The following DPP10 variants were observed in gnomAD, a reference collection of about 807,000 sequenced individuals.
The protein encoded by DPP10 is inactive dipeptidyl peptidase 10.
DPP10 carries 33 observed loss-of-function variants against 120.9 expected under a neutral mutation model. The ratio of observed to expected loss-of-function variants is 0.27; its 90% confidence interval spans 0.21 to 0.37. The LOEUF is 0.37. DPP10 is among the 10% of genes least tolerant of loss of function. The pLI is 1.00. For synonymous variants in DPP10, 337 were observed against 326.1 expected (o/e 1.03, Z -0.36); for missense variants, 816 against 942.8 (o/e 0.87, Z 1.76).
chr2:115,656,441 A>G (rs911312249), intron 5 of DPP10, among the ~76,000 whole-genome samples: 6 of 151,528 alleles, frequency 4.0e-5, no homozygotes, highest in African/African-American at 1.4e-4. Flanking sequence ...CTAATGTTTT[A>G]TATGTAGTTC....
At chr2:115,515,809 A>C (rs1033829790) in intron 4 of DPP10, among the ~76,000 whole-genome samples, 3 of 152,102 alleles carry the variant, frequency 2.0e-5, no homozygotes, top group African/African-American at 4.8e-5. Flanking sequence ...ATAAAATTGG[A>C]GGAATCATCT....
At position 114,536,412 on chromosome 2, in the gene DPP10, T is replaced by TC. The variant is rs1553458251; in HGVS notation, c.60+93574_60+93575insC. ...TCTTTCTTTCTTTTTCTTTTTCTTT[T>TC]TTTTTTTTTTTGAGACGTAGTCTCG... On this transcript the variant is annotated intron_variant, in intron 1 of 25. Transcript: ENST00000410059. Among the ~76,000 whole-genome samples, 3 of 148,152 alleles carry TC rather than the reference T, an allele frequency of 2.0e-5. No individual in the cohort carries two copies. The East Asian group carries it at 5.8e-4, about 29-fold the overall frequency.
At chr2:115,082,509 G>C (rs1348695140) in intron 1 of DPP10, among the ~76,000 whole-genome samples, 1 of 152,166 alleles carries the variant, frequency 6.6e-6, no homozygotes, top group African/African-American at 2.4e-5. Flanking sequence ...ATGTGGAGTC[G>C]ATTTCTTCAC....
chr2:115,780,249 G>T (rs118139540), intron 15 of DPP10, among the ~76,000 whole-genome samples: 3 of 151,962 alleles, frequency 2.0e-5, no homozygotes, highest in East Asian at 3.9e-4. Flanking sequence ...GTAAAATAAA[G>T]ATGGTGATGA....
At chr2:115,141,510 A>C (rs1363012985) in intron 1 of DPP10, among the ~76,000 whole-genome samples, 13 of 152,208 alleles carry the variant, frequency 8.5e-5, no homozygotes. Context: ...AATTTGCCTT[A>C]CCTGCCATCA....
At chr2:115,682,242 A>G (rs2090711683) in intron 5 of DPP10, among the ~76,000 whole-genome samples, 1 of 151,980 alleles carries the variant, frequency 6.6e-6, no homozygotes, top group African/African-American at 2.4e-5. Context: ...ATATTTTCAA[A>G]TGATGATAAG....
intron 5 of DPP10, among the ~76,000 whole-genome samples, chr2:115,633,202 C>G (rs573644775): frequency 4.6e-5 from 7 of 152,288 alleles, no homozygotes; most frequent in South Asian, 4.1e-4. Flanking sequence ...CAATGATAGA[C>G]TGGATTAAGA....
At position 115,527,970 on chromosome 2, in the gene DPP10, G is replaced by A. The variant is rs369985063; in HGVS notation, c.441+1998G>A. Among the ~76,000 whole-genome samples, 9 of 152,096 alleles carry A rather than the reference G, an allele frequency of 5.9e-5. No individual in the cohort carries two copies. The South Asian group carries it at 1.7e-3, about 28-fold the overall frequency. The stretch of plus-strand genomic sequence containing the variant: ...TTTTGATAGTTTTTTAAAAAACTAA[G>A]CATATATTTGGGTTGGTTCCAAGTC... On this transcript the variant is annotated intron_variant, in intron 5 of 25. Transcript: ENST00000410059.
Position 114,688,677 on chromosome 2 carries a change from A to G in DPP10, c.60+245839A>G, listed in dbSNP as rs138679587. On this transcript the variant is annotated intron_variant, in intron 1 of 25. Coordinates refer to ENST00000410059, the MANE Select transcript of DPP10 (RefSeq NM_020868.6). ...AAGCTGTAATCTTGGCATGTGAGGA[A>G]TCCACAGTCTAAGTGACTGACAAGT... Among the ~76,000 whole-genome samples the G allele has an allele frequency of 6.8e-4, 104 of 152,080 alleles. 1 individual carries two copies. The Middle Eastern group carries it at 0.024, about 35-fold the overall frequency.
chr2:114,767,768 G>C (rs1278369280), intron 1 of DPP10, among the ~76,000 whole-genome samples: 1 of 152,074 alleles, frequency 6.6e-6, no homozygotes, highest in Non-Finnish European at 1.5e-5. Flanking sequence ...CATTAATTTA[G>C]CTTGTGAGTA....
intron 3 of DPP10, among the ~76,000 whole-genome samples, chr2:115,353,972 A>T (rs1164074946): frequency 2.0e-5 from 3 of 152,142 alleles, no homozygotes; most frequent in African/African-American, 4.8e-5. Context: ...GATAAGAATA[A>T]GGAAAGATTT....
rs560011724 is a variant in DPP10 at position 114,953,407 on chromosome 2, T to A, written c.61-355832T>A. Among the ~76,000 whole-genome samples, 9 of 152,340 alleles carry A rather than the reference T, an allele frequency of 5.9e-5. No homozygotes were observed. The East Asian group carries it at 1.7e-3, about 29-fold the overall frequency. On this transcript the variant is annotated intron_variant, in intron 1 of 25. Coordinates refer to ENST00000410059, the MANE Select transcript of DPP10 (RefSeq NM_020868.6). ...AACTGGATACCATTAATATAACTTC[T>A]GCTTCAAATCTGACTTTTTGTTTTC...
At chr2:115,369,413 G>A (rs977709842) in intron 3 of DPP10, among the ~76,000 whole-genome samples, 7 of 152,046 alleles carry the variant, frequency 4.6e-5, no homozygotes, top group Non-Finnish European at 8.8e-5. Context: ...ACTTTTACAC[G>A]AATAATTGCC....
chr2:115,055,794 T>A (rs1268812540), intron 1 of DPP10, among the ~76,000 whole-genome samples: 1 of 152,124 alleles, frequency 6.6e-6, no homozygotes, highest in Non-Finnish European at 1.5e-5. Context: ...GCTCACAATT[T>A]TGTAATTGAA....
At chr2:115,626,050 C>A (rs1397649170) in intron 5 of DPP10, among the ~76,000 whole-genome samples, 15 of 146,748 alleles carry the variant, frequency 1.0e-4, no homozygotes, top group South Asian at 2.1e-4. Flanking sequence ...AAAAAAAAAA[C>A]AAAAAACAGA....
chr2:115,747,004 AT>A (rs1385537680), intron 10 of DPP10, among the ~76,000 whole-genome samples: 2 of 152,190 alleles, frequency 1.3e-5, no homozygotes, highest in African/African-American at 4.8e-5. Context: ...CATTGACATT[AT>A]TTAGAAAAAA....
intron 1 of DPP10, among the ~76,000 whole-genome samples, chr2:114,615,405 G>C (rs1693602271): frequency 6.6e-6 from 1 of 151,998 alleles, no homozygotes; most frequent in Non-Finnish European, 1.5e-5. Context: ...TATTCTCTTG[G>C]CTTTAAAATA....
At chr2:115,763,145 T>C (rs1365852166) in intron 12 of DPP10, among the ~76,000 whole-genome samples, 1 of 152,166 alleles carries the variant, frequency 6.6e-6, no homozygotes. Flanking sequence ...ACAAATAGCT[T>C]ATTTAAATAT....
intron 3 of DPP10, among the ~76,000 whole-genome samples, chr2:115,459,314 G>A (rs1317162988): frequency 6.6e-6 from 1 of 151,892 alleles, no homozygotes; most frequent in African/African-American, 2.4e-5. Flanking sequence ...GTGCCACCAC[G>A]CCCGGCTAAT....
Sources: gnomAD v4.1 joint callset for allele counts (sites outside exome capture counted in the v4.1 genomes callset) on GRCh38, gnomAD v4.1.1 for gene constraint, MANE v1.5 for transcripts, NCBI Gene and HGNC (gene_info 2026-07-23, HGNC 2026-07-21) for gene names.